Variants in TRPM2 observed in about 807,000 individuals in gnomAD.
TRPM2 encodes transient receptor potential cation channel subfamily M member 2.
In TRPM2, 161 loss-of-function variants were observed where a neutral mutation model predicts 174.0. The ratio of observed to expected loss-of-function variants is 0.93; its 90% CI spans 0.81 to 1.05. The LOEUF (loss-of-function observed/expected upper bound fraction) is 1.05. TRPM2 is among the 50% of genes least tolerant of loss of function. The pLI is 0.00. For synonymous variants in TRPM2, 954 were observed against 861.3 expected, an observed-to-expected ratio of 1.11 and a Z score of -1.88; for missense variants, 2,057 against 2,038.0, an observed-to-expected ratio of 1.01 and a Z score of -0.18.
At chr21:44,426,511 C>A in intron 25 of TRPM2, 149 bp from the exon 26 acceptor site, 2 of 825,442 alleles carry the variant, frequency 2.4e-6, no homozygotes, top group Non-Finnish European at 4.0e-6. Context: ...GCCTGGCACC[C>A]GGATCTGCCC....
chr21:44,403,955 C>G (rs549023506), intron 16 of TRPM2, among the ~76,000 whole-genome samples: 3,897 of 77,888 alleles, frequency 0.05, 87 homozygotes, highest in Non-Finnish European at 0.072. Flanking sequence ...CACATATGCA[C>G]ACATACATAC....
intron 16 of TRPM2, among the ~76,000 whole-genome samples, chr21:44,404,047 A>G (rs146278430): frequency 1.6e-3 from 250 of 152,264 alleles, no homozygotes; most frequent in African/African-American, 5.8e-3. Flanking sequence ...AAGCACATAT[A>G]CACATATACA....
Position 44,423,642 on chromosome 21 carries a change from C to T in TRPM2, c.3462-3C>T, listed in dbSNP as rs764314334. On this transcript the variant is annotated splice_polypyrimidine_tract_variant and splice_region_variant and intron_variant, in intron 22 of 31. Coordinates refer to ENST00000397928, the MANE Select transcript of TRPM2 (RefSeq NM_003307.4). ...CGTCCAGCTCAGCTGCTTCCTCTTTCAGGGTTGACGCCATGGTGGACCTGC... is the reference window on the plus strand; with the variant it reads ...CGTCCAGCTCAGCTGCTTCCTCTTTTAGGGTTGACGCCATGGTGGACCTGC... The T allele has an allele frequency of 2.5e-6, 4 of 1,611,958 alleles. No homozygotes were observed. The highest frequency in any genetic ancestry group is 2.5e-6 in the Non-Finnish European group (3 of 1,179,506).
At position 44,400,323 on chromosome 21, in the gene TRPM2, T is replaced by G. The variant is rs2049574195; in HGVS notation, c.2273T>G (p.Leu758Arg). The stretch of plus-strand genomic sequence containing the variant: ...GACAATGGGCTGTGGCGTGTGACCC[T>G]GTGCATGCTGGCCTTCCCGCTGCTC... ...SVDNGLWRVT[L>R]CMLAFPLLLT... The change falls in exon 15 of 32, where the codon CTG becomes CGG. Residue 758 changes from leucine to arginine, a missense_variant. Coordinates refer to ENST00000397928, the MANE Select transcript of TRPM2 (RefSeq NM_003307.4). 1 of 1,612,692 alleles carries G rather than the reference T, an allele frequency of 6.2e-7. No homozygotes were observed. Among genetic ancestry groups the G allele is most frequent in the African/African-American group, 1.3e-5 (1 of 74,934 alleles).
At position 44,391,232 on chromosome 21, in the gene TRPM2, T is replaced by G. The variant is rs1479298608; in HGVS notation, c.1441-40T>G. 14 of 1,580,242 alleles carry G rather than the reference T, an allele frequency of 8.9e-6. No individual in the cohort carries two copies. The highest frequency in any genetic ancestry group is 1.3e-5 in the African/African-American group (1 of 74,546). On this transcript the variant is annotated intron_variant, in intron 10 of 31. Coordinates refer to ENST00000397928, the MANE Select transcript of TRPM2 (RefSeq NM_003307.4). The surrounding 1 kb of genome is among the most constrained non-coding windows in gnomAD (Gnocchi z 5.0). ...TTGAGATCAGGATGACATGGGGTGA[T>G]GACCAAATGCAACCGTCACTGCACA...
At chr21:44,434,024 G>T (rs2051131770) in intron 27 of TRPM2, among the ~76,000 whole-genome samples, 1 of 151,952 alleles carries the variant, frequency 6.6e-6, no homozygotes, top group African/African-American at 2.4e-5. Flanking sequence ...GCCGGTGCTA[G>T]AGGTGGTCAG....
chr21:44,405,882 G>A, intron 17 of TRPM2, 23 bp from the exon 18 acceptor site: 2 of 1,596,408 alleles, frequency 1.3e-6, no homozygotes, highest in Non-Finnish European at 1.7e-6. Flanking sequence ...GCTGAGATGT[G>A]TGTGCTTCTG....
At chr21:44,379,370 T>A (rs1442858988) in intron 8 of TRPM2, among the ~76,000 whole-genome samples, 173 bp downstream of exon 8, 1 of 152,152 alleles carries the variant, frequency 6.6e-6, no homozygotes. Flanking sequence ...CCTGGCTGGG[T>A]TCCGGAGGTC....
rs1212978803 is a variant in TRPM2, at chr21:44,391,019, G to A, written c.1434G>A (p.Gln478=). ...GTGAGATCTTCATGGATGAGTGGCA[G>A]TGGAAGGTAAGTCTTCCAGAGCACC... is the stretch of plus-strand genomic sequence containing the variant. ...ARSEIFMDEW[Q]WKPSDLHPTM... Residue 478 remains glutamine, a synonymous_variant, in exon 10 of 32, where the codon CAG becomes CAA. Transcript: ENST00000397928. This position sits in a 1 kb window ranked among gnomAD's most constrained non-coding sequence, Gnocchi z 5.0. The A allele has an allele frequency of 6.2e-7, 1 of 1,613,984 alleles. No homozygotes were observed. The highest frequency in any genetic ancestry group is 2.2e-5 in the East Asian group (1 of 44,886).
chr21:44,392,252 C>T (rs771725442), intron 11 of TRPM2, among the ~76,000 whole-genome samples: 2 of 151,572 alleles, frequency 1.3e-5, no homozygotes, highest in Non-Finnish European at 1.5e-5. Flanking sequence ...CTCCAGCCAC[C>T]GTGCCTTGTC....
intron 19 of TRPM2, among the ~76,000 whole-genome samples, chr21:44,411,035 C>T (rs1440375010): frequency 2.6e-5 from 4 of 151,750 alleles, no homozygotes; most frequent in Non-Finnish European, 5.9e-5. Flanking sequence ...TCTTGGTTGG[C>T]GTAGCCTTGT....
chr21:44,380,881 A>G (rs76190354), intron 8 of TRPM2, among the ~76,000 whole-genome samples: 2,321 of 152,266 alleles, frequency 0.015, 46 homozygotes, highest in African/African-American at 0.053. Context: ...CCTGGCGTCC[A>G]TATGGGCTCA....
At chr21:44,434,011 G>A (rs549950530) in intron 27 of TRPM2, among the ~76,000 whole-genome samples, 31 of 152,250 alleles carry the variant, frequency 2.0e-4, no homozygotes, top group African/African-American at 7.0e-4. Context: ...CTGGCTGGTG[G>A]CCGCCGGTGC....
At chr21:44,400,825 C>A (rs1302626281) in intron 15 of TRPM2, among the ~76,000 whole-genome samples, 1 of 151,896 alleles carries the variant, frequency 6.6e-6, no homozygotes, top group Non-Finnish European at 1.5e-5. Context: ...CACGGCTGGC[C>A]ATGGTTGAAG....
At chr21:44,403,888 A>G (rs1191795413) in intron 16 of TRPM2, among the ~76,000 whole-genome samples, 2 of 151,400 alleles carry the variant, frequency 1.3e-5, no homozygotes, top group Middle Eastern at 3.5e-3. Context: ...ACACATGCAC[A>G]TACATATACA....
At chr21:44,436,238 C>T (rs996909668) in intron 28 of TRPM2, among the ~76,000 whole-genome samples, 1 of 152,186 alleles carries the variant, frequency 6.6e-6, no homozygotes, top group Admixed American at 6.5e-5. Context: ...GCTCTTGCTG[C>T]CCCCATTGGG....
chr21:44,425,493 T>C, intron 24 of TRPM2, 177 bp from the exon 25 acceptor site: 2 of 674,682 alleles, frequency 3.0e-6, no homozygotes, highest in Non-Finnish European at 4.4e-6. Flanking sequence ...GTGGCTGTCC[T>C]CCCTGGGGGC....
intron 19 of TRPM2, 33 bp from the exon 20 acceptor site, chr21:44,413,858 T>C: frequency 6.3e-7 from 1 of 1,594,572 alleles, no homozygotes; most frequent in Non-Finnish European, 8.6e-7. Flanking sequence ...TGTGTTGTTT[T>C]CTTGGCTCAC....
intron 8 of TRPM2, 141 bp downstream of exon 8, chr21:44,379,338 G>T (rs2048807021): frequency 3.1e-6 from 3 of 973,168 alleles, no homozygotes; most frequent in Non-Finnish European, 4.6e-6. Context: ...TTTGCAGAGG[G>T]CAGGGCCCAG....
Sources: allele counts gnomAD v4.1 joint callset (sites outside exome capture counted in the v4.1 genomes callset), GRCh38; gene constraint gnomAD v4.1.1; non-coding constraint Gnocchi (gnomAD v3.1); transcripts MANE v1.5; gene names NCBI Gene and HGNC (gene_info 2026-07-23, HGNC 2026-07-21).